PPIL6: variants seen among roughly 807,000 people sequenced by gnomAD.
PPIL6 encodes peptidylprolyl isomerase like 6.
A neutral mutation model predicts 36.8 loss-of-function variants in PPIL6; 39 were observed. The observed-to-expected ratio is 1.06, with a 90% confidence interval of 0.82 to 1.38. PPIL6 has a LOEUF of 1.38. Ranked by LOEUF, PPIL6 falls within the 40% of genes most tolerant of loss-of-function variation. The pLI is 0.00. For synonymous variants in PPIL6, 123 were observed against 134.1 expected (o/e 0.92, Z 0.57); for missense variants, 368 against 379.1 (o/e 0.97, Z 0.24).
chr6:109,412,758 T>C (rs1023056617), intron 6 of PPIL6, among the ~76,000 whole-genome samples: 3 of 152,120 alleles, frequency 2.0e-5, no homozygotes, highest in Admixed American at 1.3e-4. Flanking sequence ...AAGACTTAAA[T>C]CTAAGCCCTC....
chr6:109,400,036 CA>C lies in PPIL6; in HGVS notation c.822del (p.Phe274LeufsTer4). 6.2e-7 allele frequency: 1 copy of C among 1,609,816 alleles called. No homozygotes were observed. The highest frequency in any genetic ancestry group is 8.5e-7 in the Non-Finnish European group (1 of 1,177,262). ...TPYLDRKFVA[F>X]GQLIEGTEVL... ...TAAATAGATCTACAATATACATACC[CA>C]AAAGCCACAAATTTTCTATCTAGAT... On this transcript the variant is annotated frameshift_variant and splice_region_variant, in exon 7 of 8. Transcript: ENST00000521072. LOFTEE classifies it high-confidence loss of function.
intron 3 of PPIL6, among the ~76,000 whole-genome samples, chr6:109,430,166 T>C (rs1774055371): frequency 6.6e-6 from 1 of 152,214 alleles, no homozygotes; most frequent in Non-Finnish European, 1.5e-5. Context: ...AGACAAGGCC[T>C]TTACCTATGC....
chr6:109,403,132 A>T, intron 6 of PPIL6: 1 of 1,437,430 alleles, frequency 7.0e-7, no homozygotes, highest in Non-Finnish European at 9.2e-7. Context: ...GCTATAATTT[A>T]AATTTAAATT....
At chr6:109,422,588 C>CA (rs200489203) in intron 5 of PPIL6, among the ~76,000 whole-genome samples, 7,418 of 146,518 alleles carry the variant, frequency 0.051, 206 homozygotes, top group South Asian at 0.092. Context: ...GACCCTGTCT[C>CA]AAAAAAAAAA....
intron 7 of PPIL6, among the ~76,000 whole-genome samples, chr6:109,399,678 C>T (rs1772447798): frequency 6.6e-6 from 1 of 152,156 alleles, no homozygotes; most frequent in African/African-American, 2.4e-5. Flanking sequence ...GCTGAGATTA[C>T]AGGCATGAGC....
rs971311495 is a variant in PPIL6, at chr6:109,391,022, C to T, written c.*1804G>A. Reference sequence around the variant, plus strand: ...GCACTCTCAGCCGGGTGCGGTGGCTCACGCCTTTGTAATCTCAGCACTTTG... The same window carrying T: ...GCACTCTCAGCCGGGTGCGGTGGCTTACGCCTTTGTAATCTCAGCACTTTG... On this transcript the variant is annotated 3_prime_UTR_variant, in exon 8 of 8. Transcript: ENST00000521072. 1 of 152,172 alleles carries T rather than the reference C, an allele frequency of 6.6e-6. No individual in the cohort carries two copies. Among genetic ancestry groups the T allele is most frequent in the Non-Finnish European group, 1.5e-5 (1 of 68,112 alleles). The allele number at this position is 152,172 out of a possible 1,614,324, so 9.4% of individuals were successfully genotyped here. A position where few individuals can be genotyped will look rare whatever the true frequency, so the allele number is the denominator to read the frequency against.
Position 109,440,537 on chromosome 6 carries a change from C to G in PPIL6, c.54G>C (p.Ser18=). ...TCACCTGCAGCGGCCGCTCCGGCAG[C>G]GACGGCGAGCCGCACCTAGCGTGCG... is the stretch of plus-strand genomic sequence containing the variant. ...GPPHARCGSP[S]LPERPLQVKV... The change falls in exon 1 of 8, where the codon TCG becomes TCC. Residue 18 remains serine, a synonymous_variant. Coordinates refer to ENST00000521072, the MANE Select transcript of PPIL6 (RefSeq NM_173672.5). The G allele has an allele frequency of 6.7e-7, 1 of 1,485,976 alleles. No homozygotes were observed. Among genetic ancestry groups the G allele is most frequent in the Non-Finnish European group, 8.9e-7 (1 of 1,120,790 alleles). 92.0% of individuals were successfully genotyped at this position (1,485,976 alleles called of 1,614,324 possible). A position where few individuals can be genotyped will look rare whatever the true frequency, so the allele number is the denominator to read the frequency against.
chr6:109,391,470 G>A lies in PPIL6; in HGVS notation c.*1356C>T, dbSNP rs1157441306. 1 of 151,928 alleles carries A rather than the reference G, an allele frequency of 6.6e-6. No individual in the cohort carries two copies. The highest frequency in any genetic ancestry group is 1.5e-5 in the Non-Finnish European group (1 of 68,018). 9.4% of individuals were successfully genotyped at this position (151,928 alleles called of 1,614,324 possible). ...TCCTTATGTCTTGCAGTGATTCCCA[G>A]ATGACTAGTGCCCAGCTGTCTAAAT... On this transcript the variant is annotated 3_prime_UTR_variant, in exon 8 of 8. Transcript: ENST00000521072.
intron 2 of PPIL6, among the ~76,000 whole-genome samples, chr6:109,433,280 C>A (rs1357301361): frequency 6.6e-6 from 1 of 152,124 alleles, no homozygotes; most frequent in Non-Finnish European, 1.5e-5. Flanking sequence ...TGGTCTCAAA[C>A]TCCTGACCTC....
intron 2 of PPIL6, among the ~76,000 whole-genome samples, chr6:109,433,389 A>G (rs1380220880): frequency 6.6e-6 from 1 of 152,214 alleles, no homozygotes; most frequent in South Asian, 2.1e-4. Flanking sequence ...GGAGAAAAAA[A>G]TGTCACTGTG....
intron 6 of PPIL6, among the ~76,000 whole-genome samples, chr6:109,401,611 A>C (rs1312324250): frequency 2.0e-5 from 3 of 152,224 alleles, no homozygotes; most frequent in Admixed American, 6.5e-5. Context: ...AAATGAGTCT[A>C]TATAATTACG....
At chr6:109,419,854 T>C (rs146548168) in intron 5 of PPIL6, among the ~76,000 whole-genome samples, 314 of 152,340 alleles carry the variant, frequency 2.1e-3, no homozygotes, top group African/African-American at 7.3e-3. Context: ...TAAGCACTTT[T>C]ACATTCATGA....
chr6:109,406,356 T>C (rs1458508249), intron 6 of PPIL6, among the ~76,000 whole-genome samples: 1 of 151,734 alleles, frequency 6.6e-6, no homozygotes, highest in Non-Finnish European at 1.5e-5. Flanking sequence ...CTGGCCAAAG[T>C]GTGGAGATTT....
intron 1 of PPIL6, among the ~76,000 whole-genome samples, chr6:109,439,173 GA>G (rs1361463881): frequency 6.6e-6 from 1 of 150,984 alleles, no homozygotes; most frequent in African/African-American, 2.4e-5. Context: ...GAAAAAGAGC[GA>G]AAAAAAAGAG....
At chr6:109,440,070 C>A in intron 1 of PPIL6, 2 of 265,468 alleles carry the variant, frequency 7.5e-6, no homozygotes, top group Non-Finnish European at 7.5e-6. Context: ...TAAAAATTAG[C>A]TAGTTATATA....
intron 7 of PPIL6, among the ~76,000 whole-genome samples, chr6:109,397,896 T>C (rs1772364023): frequency 1.1e-5 from 1 of 91,070 alleles, no homozygotes; most frequent in East Asian, 3.0e-4. Flanking sequence ...GATTTAAAAC[T>C]TTTTTTTTTT....
At chr6:109,425,615 G>A (rs920387913) in intron 5 of PPIL6, among the ~76,000 whole-genome samples, 5 of 152,036 alleles carry the variant, frequency 3.3e-5, no homozygotes, top group African/African-American at 1.2e-4. Context: ...CAGGTGTGGG[G>A]GTGGGCCCCT....
At chr6:109,395,989 C>T (rs1413672440) in intron 7 of PPIL6, among the ~76,000 whole-genome samples, 6 of 151,918 alleles carry the variant, frequency 3.9e-5, no homozygotes, top group South Asian at 2.1e-4. Flanking sequence ...CCTGCCACCA[C>T]GCCCGGCTAA....
chr6:109,412,720 T>C (rs1005230597), intron 6 of PPIL6, among the ~76,000 whole-genome samples: 1 of 152,196 alleles, frequency 6.6e-6, no homozygotes, highest in African/African-American at 2.4e-5. Context: ...CCTCTCACCA[T>C]ATATAAAAAT....
Sources: gnomAD v4.1 joint callset for allele counts (sites outside exome capture counted in the v4.1 genomes callset) on GRCh38, gnomAD v4.1.1 for gene constraint, MANE v1.5 for transcripts, NCBI Gene and HGNC (gene_info 2026-07-23, HGNC 2026-07-21) for gene names.